GABRG3: variants seen among roughly 807,000 people sequenced by gnomAD.
GABRG3 encodes gamma-aminobutyric acid type A receptor subunit gamma3.
In GABRG3, 25 loss-of-function variants were observed where a neutral mutation model predicts 48.8. The observed-to-expected ratio is 0.51, with a 90% CI of 0.37 to 0.72. The LOEUF is 0.72. Among genes scored for constraint, GABRG3 ranks in the 30% least tolerant of loss-of-function variants. The pLI is 0.00. For missense variants in GABRG3, 394 were observed against 577.9 expected (o/e 0.68, Z 3.26); for synonymous variants, 227 against 217.6 (o/e 1.04, Z -0.38).
chr15:27,257,234 G>A (rs1890649342), intron 3 of GABRG3, among the ~76,000 whole-genome samples: 1 of 151,500 alleles, frequency 6.6e-6, no homozygotes, highest in African/African-American at 2.4e-5. Flanking sequence ...TAGGTCCTTT[G>A]TCCTTTTTAA....
intron 3 of GABRG3, among the ~76,000 whole-genome samples, chr15:27,042,661 A>G (rs573472182): frequency 6.6e-6 from 1 of 152,258 alleles, no homozygotes; most frequent in African/African-American, 2.4e-5. Flanking sequence ...CTTGGCTTCC[A>G]GGCTCAACTC....
chr15:27,298,843 C>A (rs930561384), intron 3 of GABRG3, among the ~76,000 whole-genome samples: 21 of 152,026 alleles, frequency 1.4e-4, no homozygotes, highest in African/African-American at 5.1e-4. Flanking sequence ...CCTAGCCCCC[C>A]ACCCCCCAAC....
rs117493100 is a variant in GABRG3 at position 27,018,070 on chromosome 15, T to C, written c.203-8684T>C. ...GAAGCTGCTATTATGAAGGGAGTTGTTAAAAACTTATCTTTCCTGTTATAA... is the reference window on the plus strand; with the variant it reads ...GAAGCTGCTATTATGAAGGGAGTTGCTAAAAACTTATCTTTCCTGTTATAA... On this transcript the variant is annotated intron_variant, in intron 2 of 9. Transcript: ENST00000615808. Among the ~76,000 whole-genome samples, 1,220 of 152,352 alleles carry C rather than the reference T, an allele frequency of 8.0e-3. 7 individuals carry two copies. Among genetic ancestry groups the C allele is most frequent in the Non-Finnish European group, 0.013 (887 of 68,024 alleles).
chr15:27,260,912 C>T (rs60910095), intron 3 of GABRG3, among the ~76,000 whole-genome samples: 1,798 of 151,998 alleles, frequency 0.012, 34 homozygotes, highest in East Asian at 0.062. Flanking sequence ...AGGTATGACA[C>T]GGGGCAGCAC....
intron 5 of GABRG3, among the ~76,000 whole-genome samples, chr15:27,413,198 A>G (rs1408755343): frequency 6.6e-6 from 1 of 152,220 alleles, no homozygotes; most frequent in African/African-American, 2.4e-5. Context: ...ATGTACAGTT[A>G]CAGGAGATTT....
chr15:27,062,884 G>A (rs931548594), intron 3 of GABRG3, among the ~76,000 whole-genome samples: 7 of 152,124 alleles, frequency 4.6e-5, no homozygotes, highest in Non-Finnish European at 7.4e-5. Flanking sequence ...TTTCTTTGGC[G>A]CTATTACTTT....
intron 1 of GABRG3, among the ~76,000 whole-genome samples, chr15:26,973,562 T>C (rs1204303263): frequency 6.6e-6 from 1 of 152,224 alleles, no homozygotes; most frequent in Admixed American, 6.5e-5. Flanking sequence ...CCCTTCCTGC[T>C]GTGGAAGTTC....
At chr15:27,307,616 T>A (rs1208420043) in intron 3 of GABRG3, among the ~76,000 whole-genome samples, 4 of 119,848 alleles carry the variant, frequency 3.3e-5, no homozygotes, top group African/African-American at 1.2e-4. Context: ...TAAACATAGG[T>A]TTATAGGTTT....
chr15:27,398,522 G>GT (rs1402180934), intron 5 of GABRG3, among the ~76,000 whole-genome samples: 3 of 152,074 alleles, frequency 2.0e-5, no homozygotes, highest in African/African-American at 7.2e-5. Context: ...TACCTATCTT[G>GT]TTTTTTAAAA....
intron 3 of GABRG3, among the ~76,000 whole-genome samples, chr15:27,199,732 T>C (rs1658686201): frequency 6.6e-6 from 1 of 152,216 alleles, no homozygotes; most frequent in South Asian, 2.1e-4. Flanking sequence ...CAGTGCCTTG[T>C]AGAACCATAA....
intron 5 of GABRG3, among the ~76,000 whole-genome samples, chr15:27,406,603 C>T (rs1887642508): frequency 6.6e-6 from 1 of 152,158 alleles, no homozygotes; most frequent in Admixed American, 6.5e-5. Flanking sequence ...ACCAGTACTC[C>T]TCAAAACCGT....
intron 5 of GABRG3, among the ~76,000 whole-genome samples, chr15:27,390,378 T>G (rs895055203): frequency 1.3e-5 from 2 of 152,020 alleles, no homozygotes; most frequent in African/African-American, 4.8e-5. Context: ...AAATTTAATA[T>G]TTTTTTTCTT....
intron 5 of GABRG3, among the ~76,000 whole-genome samples, chr15:27,438,674 T>C (rs1316229424): frequency 6.6e-6 from 1 of 152,182 alleles, no homozygotes; most frequent in Non-Finnish European, 1.5e-5. Context: ...GCCTTGGAGA[T>C]CTCTTTTACC....
chr15:27,306,522 T>C (rs969551437), intron 3 of GABRG3, among the ~76,000 whole-genome samples: 5 of 134,814 alleles, frequency 3.7e-5, no homozygotes, highest in Admixed American at 3.1e-4. Flanking sequence ...TAAACATATA[T>C]AATATAAACA....
At chr15:27,353,696 AC>A (rs956612508) in intron 5 of GABRG3, among the ~76,000 whole-genome samples, 2 of 151,716 alleles carry the variant, frequency 1.3e-5, no homozygotes, top group Non-Finnish European at 2.9e-5. Flanking sequence ...CACCCACCTC[AC>A]CTCTCAAAGT....
intron 6 of GABRG3, among the ~76,000 whole-genome samples, chr15:27,503,476 G>A (rs1251875607): frequency 6.6e-6 from 1 of 152,092 alleles, no homozygotes; most frequent in East Asian, 1.9e-4. Context: ...TCCTGTATCA[G>A]TGGAATCATA....
chr15:27,265,932 G>C (rs1890908236), intron 3 of GABRG3, among the ~76,000 whole-genome samples: 1 of 134,908 alleles, frequency 7.4e-6, no homozygotes, highest in Non-Finnish European at 1.5e-5. Context: ...TTAGGCTGGA[G>C]TGCAATGGCA....
At chr15:27,496,391 G>C (rs989677747) in intron 6 of GABRG3, among the ~76,000 whole-genome samples, 1 of 152,302 alleles carries the variant, frequency 6.6e-6, no homozygotes, top group African/African-American at 2.4e-5. Context: ...GTGTGAGGCT[G>C]CCACTTTCTT....
chr15:27,197,706 T>C (rs1888540438), intron 3 of GABRG3, among the ~76,000 whole-genome samples: 1 of 152,212 alleles, frequency 6.6e-6, no homozygotes, highest in South Asian at 2.1e-4. Context: ...CTTGTACCTC[T>C]GGTAGAACTT....
Sources: allele counts gnomAD v4.1 joint callset (sites outside exome capture counted in the v4.1 genomes callset), GRCh38; gene constraint gnomAD v4.1.1; transcripts MANE v1.5; gene names NCBI Gene and HGNC (gene_info 2026-07-23, HGNC 2026-07-21).